The following DENND5B variants were observed in gnomAD, a reference collection of about 807,000 sequenced individuals.
DENND5B encodes DENN domain-containing protein 5B.
DENND5B carries 34 observed loss-of-function variants against 140.6 expected under a neutral mutation model. The observed-to-expected ratio is 0.24, with a 90% CI of 0.18 to 0.32. The LOEUF is 0.32. Ranked by LOEUF, DENND5B falls within the 10% of genes least tolerant of loss-of-function variation. The probability of loss-of-function intolerance (pLI) is 1.00; values close to 1 mark genes in which losing one functional copy is unlikely to be tolerated. For missense variants in DENND5B, 1,142 were observed against 1,560.2 expected, an observed-to-expected ratio of 0.73 and a Z score of 4.52; for synonymous variants, 551 against 562.1, an observed-to-expected ratio of 0.98 and a Z score of 0.28.
chr12:31,438,547 A>C (rs1943882032), intron 7 of DENND5B, among the ~76,000 whole-genome samples: 2 of 152,150 alleles, frequency 1.3e-5, no homozygotes, highest in Non-Finnish European at 2.9e-5. Flanking sequence ...GCAATGTAAG[A>C]CTGTAAAAAG....
intron 1 of DENND5B, among the ~76,000 whole-genome samples, chr12:31,562,162 A>AG (rs1251261876): frequency 6.6e-6 from 1 of 152,220 alleles, no homozygotes; most frequent in Non-Finnish European, 1.5e-5. Context: ...GAAGTCAGAA[A>AG]GACATGCTTA....
Position 31,526,839 on chromosome 12 carries a change from G to C in DENND5B, c.128-30920C>G, listed in dbSNP as rs116069912. Among the ~76,000 whole-genome samples the C allele has an allele frequency of 9.6e-3, 1,459 of 152,296 alleles. 26 individuals are homozygous for C. Among genetic ancestry groups the C allele is most frequent in the African/African-American group, 0.033 (1,381 of 41,548 alleles). ...AAACAGGAATTCTACACTGTCTTTG[G>C]AACTCTTCCGCAAATCCAAAGTTAT... On this transcript the variant is annotated intron_variant, in intron 1 of 20. Coordinates refer to ENST00000389082, the MANE Select transcript of DENND5B (RefSeq NM_144973.4).
At chr12:31,539,174 G>A (rs1464621622) in intron 1 of DENND5B, among the ~76,000 whole-genome samples, 1 of 151,956 alleles carries the variant, frequency 6.6e-6, no homozygotes, top group Non-Finnish European at 1.5e-5. Flanking sequence ...AACCTACCAT[G>A]ATTGAACCAT....
chr12:31,566,429 T>G lies in DENND5B; in HGVS notation c.127+24277A>C, dbSNP rs116239950. Among the ~76,000 whole-genome samples, 346 of 151,104 alleles carry G rather than the reference T, an allele frequency of 2.3e-3. 3 individuals carry two copies. The highest frequency in any genetic ancestry group is 8.0e-3 in the African/African-American group (328 of 41,094). ...ATTAAGAGATTAAAAGGCAACATGG[T>G]AAAACAGATATATATATATTAAAAT... On this transcript the variant is annotated intron_variant, in intron 1 of 20. Coordinates refer to ENST00000389082, the MANE Select transcript of DENND5B (RefSeq NM_144973.4).
chr12:31,511,177 T>C (rs1947395696), intron 1 of DENND5B, among the ~76,000 whole-genome samples: 1 of 152,110 alleles, frequency 6.6e-6, no homozygotes, highest in Non-Finnish European at 1.5e-5. Context: ...AGTTCCAGAC[T>C]GCAATGAGCT....
At position 31,581,986 on chromosome 12, in the gene DENND5B, A is replaced by G. The variant is rs906581669; in HGVS notation, c.127+8720T>C. Among the ~76,000 whole-genome samples, 88 of 152,224 alleles carry G rather than the reference A, an allele frequency of 5.8e-4. 1 individual carries two copies. The highest frequency in any genetic ancestry group is 5.8e-3 in the Admixed American group (88 of 15,290). ...TGCAAATTCCATGTAAATGGTTGTT[A>G]TGCTGTATTGTTTAGGGAACAATAG... On this transcript the variant is annotated intron_variant, in intron 1 of 20. Transcript: ENST00000389082.
intron 2 of DENND5B, among the ~76,000 whole-genome samples, chr12:31,489,838 T>A (rs1235384008): frequency 6.6e-6 from 1 of 152,128 alleles, no homozygotes; most frequent in Non-Finnish European, 1.5e-5. Context: ...CTTCTCTATA[T>A]AAATGTTTAC....
intron 1 of DENND5B, among the ~76,000 whole-genome samples, chr12:31,556,215 CTTTT>C: frequency 6.6e-6 from 1 of 151,750 alleles, no homozygotes; most frequent in South Asian, 2.1e-4. Flanking sequence ...CCTTTTTTTT[CTTTT>C]TTTAAGATGC....
Position 31,406,736 on chromosome 12 carries a change from A to G in DENND5B, c.2803+2527T>C, listed in dbSNP as rs549098929. 9.2e-5 allele frequency among the ~76,000 whole-genome samples: 14 copies of G among 152,304 alleles called. No individual in the cohort carries two copies. The East Asian group carries it at 2.7e-3, about 29-fold the overall frequency. Reference sequence around the variant, plus strand: ...CTTTCATGAAGAATTCCTCAAATTGAAAGAGTTACTCAGATGAAGAGAAAT... The same window carrying G: ...CTTTCATGAAGAATTCCTCAAATTGGAAGAGTTACTCAGATGAAGAGAAAT... On this transcript the variant is annotated intron_variant, in intron 14 of 20. Transcript: ENST00000389082.
At chr12:31,453,718 T>C (rs1442834895) in intron 4 of DENND5B, among the ~76,000 whole-genome samples, 1 of 152,218 alleles carries the variant, frequency 6.6e-6, no homozygotes, top group Non-Finnish European at 1.5e-5. Context: ...TCTCTGATCC[T>C]AGACGGCAAA....
chr12:31,391,244 G>A (rs1941126002), intron 19 of DENND5B, among the ~76,000 whole-genome samples: 1 of 152,142 alleles, frequency 6.6e-6, no homozygotes, highest in African/African-American at 2.4e-5. Context: ...CCGCCTTGGG[G>A]CTTAGCACTG....
intron 1 of DENND5B, among the ~76,000 whole-genome samples, chr12:31,546,635 G>A (rs1382702868): frequency 1.3e-5 from 2 of 152,048 alleles, no homozygotes; most frequent in African/African-American, 2.4e-5. Context: ...GTAGTGAGCC[G>A]AGATCACGCC....
At chr12:31,566,426 T>A (rs967141095) in intron 1 of DENND5B, among the ~76,000 whole-genome samples, 2 of 151,430 alleles carry the variant, frequency 1.3e-5, no homozygotes, top group Non-Finnish European at 2.9e-5. Flanking sequence ...AAAGGCAACA[T>A]GGTAAAACAG....
At chr12:31,421,838 T>G (rs1943039491) in intron 11 of DENND5B, among the ~76,000 whole-genome samples, 1 of 152,122 alleles carries the variant, frequency 6.6e-6, no homozygotes, top group Admixed American at 6.6e-5. Flanking sequence ...AGGCGTTGAG[T>G]CAACATGCCT....
intron 1 of DENND5B, among the ~76,000 whole-genome samples, chr12:31,589,014 TTTG>T (rs1324704825): frequency 6.6e-6 from 1 of 152,234 alleles, no homozygotes; most frequent in Non-Finnish European, 1.5e-5. Flanking sequence ...AATTGATGGT[TTTG>T]TTAACATCAT....
chr12:31,487,896 A>C (rs1417367791), intron 2 of DENND5B, among the ~76,000 whole-genome samples: 1 of 152,126 alleles, frequency 6.6e-6, no homozygotes, highest in Non-Finnish European at 1.5e-5. Context: ...CAAGAAAACA[A>C]ACAAAAACAG....
intron 1 of DENND5B, among the ~76,000 whole-genome samples, chr12:31,546,601 C>T (rs896186710): frequency 1.3e-5 from 2 of 152,084 alleles, no homozygotes; most frequent in Non-Finnish European, 1.5e-5. Context: ...GCAGGAGAAT[C>T]GCTTGAACCA....
intron 14 of DENND5B, among the ~76,000 whole-genome samples, chr12:31,402,937 G>A (rs559624857): frequency 1.1e-4 from 16 of 152,202 alleles, no homozygotes; most frequent in Admixed American, 3.3e-4. Flanking sequence ...GCATTAGCAC[G>A]AGAATACCTA....
At chr12:31,512,116 CATGTTAATCA>C (rs1338043695) in intron 1 of DENND5B, among the ~76,000 whole-genome samples, 1 of 151,630 alleles carries the variant, frequency 6.6e-6, no homozygotes, top group African/African-American at 2.4e-5. Flanking sequence ...GGGGTTTCAC[CATGTTAATCA>C]GGCTGGTCTC....
Sources: gnomAD v4.1 joint callset for allele counts (sites outside exome capture counted in the v4.1 genomes callset) on GRCh38, gnomAD v4.1.1 for gene constraint, MANE v1.5 for transcripts, NCBI Gene and HGNC (gene_info 2026-07-23, HGNC 2026-07-21) for gene names.